PCNX2: variants seen among roughly 807,000 people sequenced by gnomAD.
PCNX2 encodes the protein pecanex 2.
Under a neutral mutation model 223.8 loss-of-function variants are expected in PCNX2, and 168 were observed. That is an observed-to-expected ratio of 0.75 (90% CI 0.66 to 0.85). The LOEUF (loss-of-function observed/expected upper bound fraction) is 0.85, where lower values mean the gene tolerates loss of function less well. PCNX2 is among the 40% of genes least tolerant of loss of function. The pLI is 0.00. For synonymous variants in PCNX2, 1,006 were observed against 1,052.6 expected, an observed-to-expected ratio of 0.96 and a Z score of 0.86; for missense variants, 2,507 against 2,675.5, an observed-to-expected ratio of 0.94 and a Z score of 1.39.
chr1:233,025,440 A>C, intron 25 of PCNX2, 41 bp from the exon 26 acceptor site: 1 of 1,602,502 alleles, frequency 6.2e-7, no homozygotes, highest in South Asian at 1.1e-5. Flanking sequence ...AAGAGAAGGC[A>C]TGCTAGAATG....
chr1:233,020,026 C>T (rs1031266510), intron 26 of PCNX2, among the ~76,000 whole-genome samples: 5 of 152,064 alleles, frequency 3.3e-5, no homozygotes, highest in Non-Finnish European at 7.4e-5. Context: ...TAATCACATA[C>T]CAGATAGGAA....
At chr1:233,250,862 T>C in intron 7 of PCNX2, 30 bp from the exon 8 acceptor site, 1 of 1,543,208 alleles carries the variant, frequency 6.5e-7, no homozygotes, top group East Asian at 2.4e-5. Context: ...CAGCAAAGAA[T>C]ATGACATAAT....
At chr1:233,321,084 T>A in the PCNX2 span, among the ~76,000 whole-genome samples, 1 of 139,550 alleles carries the variant, frequency 7.2e-6, no homozygotes, top group Non-Finnish European at 1.5e-5. Flanking sequence ...AGTGGTGCGA[T>A]CTCTGCTCAC....
chr1:233,200,697 G>A (rs1008613092), intron 13 of PCNX2, among the ~76,000 whole-genome samples: 1 of 151,630 alleles, frequency 6.6e-6, no homozygotes, highest in African/African-American at 2.4e-5. Context: ...GCAAGAGAAA[G>A]GAAACTGGGA....
chr1:233,054,908 T>C (rs1014252473), intron 24 of PCNX2, among the ~76,000 whole-genome samples: 1 of 152,192 alleles, frequency 6.6e-6, no homozygotes, highest in African/African-American at 2.4e-5. Flanking sequence ...AATTCATCCA[T>C]TTTAGTGTAC....
In PCNX2 at chr1:233,181,639, T is replaced by A. The variant is rs547496082; in HGVS notation, c.3067-2464A>T. On this transcript the variant is annotated intron_variant, in intron 15 of 33. Transcript: ENST00000258229. ...GTGGCTTATAAACCACAGAAATTTA[T>A]TTCTCACAGTTCTGGGCACTGAAAG... 5.4e-4 allele frequency among the ~76,000 whole-genome samples: 82 copies of A among 152,334 alleles called. 1 individual carries two copies. Among genetic ancestry groups the A allele is most frequent in the African/African-American group, 1.9e-3 (81 of 41,576 alleles).
chr1:233,035,135 A>G (rs1338226370), intron 25 of PCNX2, among the ~76,000 whole-genome samples: 1 of 152,206 alleles, frequency 6.6e-6, no homozygotes, highest in African/African-American at 2.4e-5. Flanking sequence ...GTCCCCTGCA[A>G]CAGAAAAGCT....
At chr1:232,985,625 A>T in intron 33 of PCNX2, 1 of 308,372 alleles carries the variant, frequency 3.2e-6, no homozygotes, top group East Asian at 5.7e-5. Flanking sequence ...CTAGTATTTA[A>T]ATACCTAAAA....
At chr1:233,212,989 C>A (rs1005265298) in intron 12 of PCNX2, among the ~76,000 whole-genome samples, 1 of 152,164 alleles carries the variant, frequency 6.6e-6, no homozygotes, top group African/African-American at 2.4e-5. Context: ...TGTGATCCAT[C>A]ATGTTACCTC....
chr1:233,060,847 G>A (rs1264774023), intron 23 of PCNX2, among the ~76,000 whole-genome samples: 3 of 152,084 alleles, frequency 2.0e-5, no homozygotes, highest in Non-Finnish European at 4.4e-5. Context: ...AACAAGAGTC[G>A]TATAACAGGA....
chr1:233,171,657 G>T (rs1245872434), intron 17 of PCNX2, among the ~76,000 whole-genome samples: 1 of 152,128 alleles, frequency 6.6e-6, no homozygotes, highest in Non-Finnish European at 1.5e-5. Flanking sequence ...GTCTGGTGCG[G>T]ATTCTTTTTT....
intron 15 of PCNX2, chr1:233,181,126 C>G (rs1052383223): frequency 1.1e-4 from 16 of 152,048 alleles, no homozygotes; most frequent in Admixed American, 6.6e-5. Context: ...CAACTCTCCC[C>G]TCACACTAGG....
intron 17 of PCNX2, among the ~76,000 whole-genome samples, chr1:233,177,014 GA>G (rs1231461373): frequency 6.7e-6 from 1 of 149,876 alleles, no homozygotes; most frequent in Admixed American, 6.6e-5. Flanking sequence ...TGTCTCTAAA[GA>G]AAAAAAAAGA....
intron 33 of PCNX2, 88 bp downstream of exon 33, chr1:232,986,004 G>A (rs1392587565): frequency 7.2e-7 from 1 of 1,394,502 alleles, no homozygotes; most frequent in Non-Finnish European, 1.0e-6. Context: ...AGGCAGAAGG[G>A]TGGGAACGCA....
chr1:233,238,171 G>A (rs781416000), intron 8 of PCNX2, among the ~76,000 whole-genome samples: 2 of 152,092 alleles, frequency 1.3e-5, no homozygotes, highest in African/African-American at 2.4e-5. Flanking sequence ...ACATCTCATC[G>A]TGCAGCCCAT....
Position 233,000,904 on chromosome 1 carries a change from A to T in PCNX2, c.5098-369T>A, listed in dbSNP as rs1414679375. On this transcript the variant is annotated intron_variant, in intron 29 of 33. Transcript: ENST00000258229. The surrounding 1 kb of genome is among the most constrained non-coding windows in gnomAD (Gnocchi z 4.6). ...TTGAGGGCAAATCACCATTGGCTAA[A>T]GTCAAGACTATCTGGACGGCTTCAA... is the stretch of plus-strand genomic sequence containing the variant. Among the ~76,000 whole-genome samples the T allele has an allele frequency of 1.3e-5, 2 of 152,198 alleles. No homozygotes were observed. The highest frequency in any genetic ancestry group is 2.9e-5 in the Non-Finnish European group (2 of 68,036).
Position 233,233,595 on chromosome 1 carries a change from T to C in PCNX2, c.2358+3250A>G, listed in dbSNP as rs538455229. Among the ~76,000 whole-genome samples the C allele has an allele frequency of 5.3e-5, 8 of 152,176 alleles. No homozygotes were observed. The East Asian group carries it at 1.6e-3, about 30-fold the overall frequency. On this transcript the variant is annotated intron_variant, in intron 9 of 33. Coordinates refer to ENST00000258229, the MANE Select transcript of PCNX2 (RefSeq NM_014801.4). ...GAGGAATTTCAGACAAGTCTTCCTC[T>C]GGCCTTGGCTCACCTCCTGACCACC...
intron 22 of PCNX2, among the ~76,000 whole-genome samples, chr1:233,091,152 C>T (rs1558221267): frequency 1.3e-5 from 2 of 152,076 alleles, no homozygotes; most frequent in African/African-American, 4.8e-5. Context: ...CTGCCCAGGT[C>T]GTATAATATC....
At chr1:233,303,132 C>A in the PCNX2 span, among the ~76,000 whole-genome samples, 1 of 152,088 alleles carries the variant, frequency 6.6e-6, no homozygotes, top group African/African-American at 2.4e-5. Flanking sequence ...CACACACACA[C>A]AATGGACCAT....
Sources: allele counts gnomAD v4.1 joint callset (sites outside exome capture counted in the v4.1 genomes callset), GRCh38; gene constraint gnomAD v4.1.1; non-coding constraint Gnocchi (gnomAD v3.1); transcripts MANE v1.5; gene names NCBI Gene and HGNC (gene_info 2026-07-23, HGNC 2026-07-21).